The following SH3PXD2B variants were observed in gnomAD, a reference collection of about 807,000 sequenced individuals.
SH3PXD2B encodes SH3 and PX domains 2B, also known as SH3 and PX domain-containing protein 2B.
Under a neutral mutation model 73.1 loss-of-function variants are expected in SH3PXD2B, and 37 were observed. The observed-to-expected ratio is 0.51, with a 90% CI of 0.39 to 0.67. SH3PXD2B has a LOEUF of 0.67. Ranked by LOEUF, SH3PXD2B falls within the 30% of genes least tolerant of loss-of-function variation. The pLI is 0.00. For missense variants in SH3PXD2B, 1,053 were observed against 1,197.8 expected, an observed-to-expected ratio of 0.88 and a Z score of 1.78; for synonymous variants, 457 against 480.5, an observed-to-expected ratio of 0.95 and a Z score of 0.64.
Position 172,333,618 on chromosome 5 carries a change from C to CCCTCA in SH3PXD2B, c.*4746_*4750dup, listed in dbSNP as rs1756616850. The CCCTCA allele has an allele frequency of 9.3e-6, 12 of 1,285,382 alleles. No homozygotes were observed. In the South Asian group the frequency reaches 1.2e-4, roughly 13 times the overall value. 79.6% of individuals were successfully genotyped at this position (1,285,382 alleles called of 1,614,324 possible). A position where few individuals can be genotyped will look rare whatever the true frequency, so the allele number is the denominator to read the frequency against. ...CTACAGCTAGTTGTTCTCACCCCTCCCCTCACATCCTATATACTCATTTAT... is the reference window on the plus strand; with the variant it reads ...CTACAGCTAGTTGTTCTCACCCCTCCCCTCACCTCACATCCTATATACTCATTTAT... On this transcript the variant is annotated 3_prime_UTR_variant, in exon 13 of 13. Transcript: ENST00000311601.
rs1459493371 is a variant in SH3PXD2B at position 172,353,371 on chromosome 5, C to CT, written c.785+516_785+517insA. Among the ~76,000 whole-genome samples, 1 of 152,204 alleles carries CT rather than the reference C, an allele frequency of 6.6e-6. No individual in the cohort carries two copies. The highest frequency in any genetic ancestry group is 1.5e-5 in the Non-Finnish European group (1 of 68,040). On this transcript the variant is annotated intron_variant, in intron 9 of 12. Transcript: ENST00000311601. The surrounding 1 kb of genome is among the most constrained non-coding windows in gnomAD (Gnocchi z 4.3). ...CAGGCAAGGCAGGACGAGCTGGCCA[C>CT]CCTGCCTGCCTGGGAGGCTCTGATA...
rs1417724934 is a variant in SH3PXD2B at position 172,334,097 on chromosome 5, T to C, written c.*4272A>G. On this transcript the variant is annotated 3_prime_UTR_variant, in exon 13 of 13. Coordinates refer to ENST00000311601, the MANE Select transcript of SH3PXD2B (RefSeq NM_001017995.3). ...AAGAGGTTGAGCCCCTCATCCCTGATTGGAGCTAAGAAGGCTTACTTTGGA... is the reference window on the plus strand; with the variant it reads ...AAGAGGTTGAGCCCCTCATCCCTGACTGGAGCTAAGAAGGCTTACTTTGGA... The C allele has an allele frequency of 7.1e-6, 8 of 1,132,694 alleles. No individual in the cohort carries two copies. Among genetic ancestry groups the C allele is most frequent in the Non-Finnish European group, 7.6e-6 (7 of 919,318 alleles). The allele number at this position is 1,132,694 out of a possible 1,614,324, so 70.2% of individuals were successfully genotyped here. A position where few individuals can be genotyped will look rare whatever the true frequency, so the allele number is the denominator to read the frequency against.
At chr5:172,368,904 A>T (rs1005577268) in intron 6 of SH3PXD2B, among the ~76,000 whole-genome samples, 75 of 141,624 alleles carry the variant, frequency 5.3e-4, no homozygotes, top group East Asian at 3.0e-3. Context: ...ATATATATAT[A>T]TATTTTTGAG....
intron 3 of SH3PXD2B, among the ~76,000 whole-genome samples, chr5:172,397,451 A>G (rs1190598684): frequency 6.6e-6 from 1 of 152,090 alleles, no homozygotes; most frequent in African/African-American, 2.4e-5. Flanking sequence ...CCCACACCCT[A>G]TTCGTACACT....
intron 4 of SH3PXD2B, among the ~76,000 whole-genome samples, chr5:172,387,202 T>C (rs978909545): frequency 6.6e-6 from 1 of 152,260 alleles, no homozygotes; most frequent in Non-Finnish European, 1.5e-5. Flanking sequence ...CTCACAAGTG[T>C]GTATGTTTGC....
Position 172,339,565 on chromosome 5 carries a change from G to A in SH3PXD2B, c.1540C>T (p.Pro514Ser), listed in dbSNP as rs1477433783. ...AGGCTGGGCTTCTCCTCCATGTCGGGGTCTGAGATCTCCTCGTAGCCTGCT... is the reference window on the plus strand; with the variant it reads ...AGGCTGGGCTTCTCCTCCATGTCGGAGTCTGAGATCTCCTCGTAGCCTGCT... ...ASAGYEEISDPDMEEKPSLPP... is the reference protein window; with the variant it reads ...ASAGYEEISDSDMEEKPSLPP... The change falls in exon 13 of 13, where the codon CCC becomes TCC. Residue 514 changes from proline to serine, a missense_variant. Physicochemically the swap from Pro to Ser is moderately conservative, Grantham distance 74. Transcript: ENST00000311601. This position sits in a 1 kb window ranked among gnomAD's most constrained non-coding sequence, Gnocchi z 6.1. 4.3e-6 allele frequency: 7 copies of A among 1,614,080 alleles called. No homozygotes were observed. Among genetic ancestry groups the A allele is most frequent in the Admixed American group, 1.7e-5 (1 of 60,010 alleles).
At chr5:172,407,890 G>C (rs2113433211) in intron 2 of SH3PXD2B, among the ~76,000 whole-genome samples, 1 of 152,358 alleles carries the variant, frequency 6.6e-6, no homozygotes, top group East Asian at 1.9e-4. Context: ...GGAAACTGAA[G>C]GCCTGTAGCC....
intron 1 of SH3PXD2B, among the ~76,000 whole-genome samples, chr5:172,446,789 C>G (rs1379695598): frequency 6.6e-6 from 1 of 152,242 alleles, no homozygotes; most frequent in Non-Finnish European, 1.5e-5. Flanking sequence ...GCCTACAATT[C>G]TTCCCAACCC....
chr5:172,434,343 A>C (rs977009786), intron 1 of SH3PXD2B, among the ~76,000 whole-genome samples: 5 of 152,172 alleles, frequency 3.3e-5, no homozygotes, highest in African/African-American at 1.2e-4. Context: ...ACAGGCCAAG[A>C]TACCTCTGCA....
intron 8 of SH3PXD2B, chr5:172,356,730 G>A (rs922106540): frequency 1.3e-5 from 2 of 152,204 alleles, no homozygotes; most frequent in East Asian, 1.9e-4. Context: ...CCCAGAGTCC[G>A]GCGGCGGCCC....
intron 6 of SH3PXD2B, among the ~76,000 whole-genome samples, chr5:172,371,263 T>C (rs770292384): frequency 5.3e-5 from 8 of 152,158 alleles, no homozygotes; most frequent in Non-Finnish European, 7.3e-5. Flanking sequence ...TAAGTAAAGG[T>C]TAGAAAAATC....
At chr5:172,440,002 A>G (rs958544859) in intron 1 of SH3PXD2B, among the ~76,000 whole-genome samples, 3 of 152,188 alleles carry the variant, frequency 2.0e-5, no homozygotes, top group African/African-American at 7.2e-5. Flanking sequence ...GCTGGAGCCC[A>G]GGCTCAGCCG....
chr5:172,440,264 T>C (rs1224323874), intron 1 of SH3PXD2B, among the ~76,000 whole-genome samples: 1 of 152,332 alleles, frequency 6.6e-6, no homozygotes, highest in South Asian at 2.1e-4. Flanking sequence ...GCGGTCGAGA[T>C]GGCAAAGTAG....
intron 1 of SH3PXD2B, among the ~76,000 whole-genome samples, chr5:172,440,803 A>G (rs928099072): frequency 6.6e-6 from 1 of 152,212 alleles, no homozygotes; most frequent in Non-Finnish European, 1.5e-5. Flanking sequence ...TCTGAACTGG[A>G]CAGACCTGGG....
At chr5:172,381,824 C>T (rs1475621618) in intron 5 of SH3PXD2B, among the ~76,000 whole-genome samples, 3 of 152,196 alleles carry the variant, frequency 2.0e-5, no homozygotes, top group Non-Finnish European at 2.9e-5. Context: ...GATGGGATGA[C>T]AGGAGTGGCA....
rs1327813307 is a variant in SH3PXD2B, at chr5:172,334,651, C to G, written c.*3718G>C. The G allele has an allele frequency of 1.0e-6, 1 of 985,400 alleles. No homozygotes were observed. The highest frequency in any genetic ancestry group is 1.2e-6 in the Non-Finnish European group (1 of 830,002). 61.0% of individuals were successfully genotyped at this position (985,400 alleles called of 1,614,324 possible). A position where few individuals can be genotyped will look rare whatever the true frequency, so the allele number is the denominator to read the frequency against. On this transcript the variant is annotated 3_prime_UTR_variant, in exon 13 of 13. Transcript: ENST00000311601. ...GCACGATGAAAGGACGGGGGTCCAGCTACGAATGTTTTTGTTCTTGATGTC... is the reference window on the plus strand; with the variant it reads ...GCACGATGAAAGGACGGGGGTCCAGGTACGAATGTTTTTGTTCTTGATGTC...
chr5:172,358,921 T>A (rs746338289), intron 7 of SH3PXD2B, 44 bp from the exon 8 acceptor site: 2 of 1,565,682 alleles, frequency 1.3e-6, no homozygotes, highest in South Asian at 1.1e-5. Flanking sequence ...GCATCAAGCA[T>A]GAGGCCGGGG....
Position 172,353,890 on chromosome 5 carries a change from G to T in SH3PXD2B, c.783C>A (p.Ile261=), listed in dbSNP as rs760760523. 6.2e-7 allele frequency: 1 copy of T among 1,613,492 alleles called. No homozygotes were observed. Among genetic ancestry groups the T allele is most frequent in the South Asian group, 1.1e-5 (1 of 91,064 alleles). The change falls in exon 9 of 13, where the codon ATC becomes ATA. Residue 261 remains isoleucine (I), a splice_region_variant and synonymous_variant. Transcript: ENST00000311601. This position sits in a 1 kb window ranked among gnomAD's most constrained non-coding sequence, Gnocchi z 4.3. The part of the protein sequence containing the change: ...IQKNLEGWWK[I]RYQGKEGWAP... ...CCGTGGGGGGCAGCGGCTGGTACCT[G>T]ATCTTCCACCAGCCTTCCAGGTTTT... is the stretch of plus-strand genomic sequence containing the variant.
intron 8 of SH3PXD2B, among the ~76,000 whole-genome samples, chr5:172,357,756 T>C (rs539634359): frequency 2.0e-5 from 3 of 152,200 alleles, no homozygotes; most frequent in Non-Finnish European, 4.4e-5. Context: ...AACAGATGTT[T>C]TACTGAGGGG....
Sources: allele counts gnomAD v4.1 joint callset (sites outside exome capture counted in the v4.1 genomes callset), GRCh38; gene constraint gnomAD v4.1.1; non-coding constraint Gnocchi (gnomAD v3.1); transcripts MANE v1.5; gene names NCBI Gene and HGNC (gene_info 2026-07-23, HGNC 2026-07-21).